KLRG1: variants seen among roughly 807,000 people sequenced by gnomAD.
KLRG1 encodes killer cell lectin like receptor G1.
KLRG1 carries 16 observed loss-of-function variants against 21.8 expected under a neutral mutation model. The ratio of observed to expected loss-of-function variants is 0.73; its 90% CI spans 0.50 to 1.11. The LOEUF (loss-of-function observed/expected upper bound fraction) is 1.11. KLRG1 is among the 50% of genes most tolerant of loss of function. KLRG1 has a pLI of 0.00. For synonymous variants in KLRG1, 69 were observed against 75.9 expected (o/e 0.91, Z 0.47); for missense variants, 173 against 218.3 (o/e 0.79, Z 1.31).
At chr12:9,115,420 A>C in the KLRG1 span, 1 of 183,090 alleles carries the variant, frequency 5.5e-6, no homozygotes, top group East Asian at 1.4e-4. Flanking sequence ...TTATTTTTAT[A>C]AAATAGAAAA....
chr12:9,200,374 C>A, the KLRG1 span: 1 of 1,604,710 alleles, frequency 6.2e-7, no homozygotes, highest in Non-Finnish European at 8.5e-7. Context: ...TCTCCACAGA[C>A]TGTTATGTTC....
the KLRG1 span, chr12:9,080,212 A>C: frequency 5.0e-6 from 7 of 1,390,672 alleles, 1 homozygote; most frequent in South Asian, 7.4e-5. Context: ...TATGAAAATT[A>C]TTTCTGCATT....
the KLRG1 span, chr12:9,115,955 C>G: frequency 2.2e-6 from 2 of 900,528 alleles, no homozygotes; most frequent in African/African-American, 1.6e-5. Context: ...TTATGCTGCT[C>G]TGTGTGCAAA....
chr12:8,959,916 GC>G (rs1475435358), intron 1 of KLRG1, among the ~76,000 whole-genome samples: 1 of 152,102 alleles, frequency 6.6e-6, no homozygotes, highest in Non-Finnish European at 1.5e-5. Context: ...TTTGGCAGTT[GC>G]TTTTTAGATT....
chr12:9,076,923 C>T, the KLRG1 span: 6 of 1,597,292 alleles, frequency 3.8e-6, no homozygotes, highest in South Asian at 1.1e-5. Context: ...CAGGGCATTG[C>T]GGACAACAGG....
chr12:9,174,755 G>A, the KLRG1 span, among the ~76,000 whole-genome samples: 2 of 152,042 alleles, frequency 1.3e-5, no homozygotes, highest in African/African-American at 4.8e-5. Flanking sequence ...AGCTAACAAG[G>A]GAAGTGAAGG....
chr12:9,180,455 T>G, the KLRG1 span, among the ~76,000 whole-genome samples: 1 of 152,132 alleles, frequency 6.6e-6, no homozygotes, highest in African/African-American at 2.4e-5. Context: ...AACAGAGATA[T>G]AGATCAATGG....
At chr12:9,196,624 G>A in the KLRG1 span, 7 of 1,613,630 alleles carry the variant, frequency 4.3e-6, no homozygotes, top group South Asian at 2.2e-5. Context: ...TTCAAAGCCC[G>A]TATTTGTAAT....
chr12:8,962,861 T>C (rs1451663854), intron 1 of KLRG1, among the ~76,000 whole-genome samples: 2 of 152,114 alleles, frequency 1.3e-5, no homozygotes, highest in African/African-American at 2.4e-5. Flanking sequence ...ATCTAACATG[T>C]ATAATTAGGG....
the KLRG1 span, chr12:9,149,448 C>T: frequency 6.7e-6 from 7 of 1,049,994 alleles, no homozygotes; most frequent in African/African-American, 1.6e-5. Context: ...TGAGGACATG[C>T]CATGTGGATT....
chr12:8,985,173 T>G (rs1009010133), upstream of KLRG1, among the ~76,000 whole-genome samples: 1 of 312 alleles, frequency 3.2e-3, no homozygotes, highest in African/African-American at 3.7e-3. Context: ...TTCTCAGTGT[T>G]TTTTTTTTTT....
At chr12:9,160,194 G>T in the KLRG1 span, 2 of 1,114,082 alleles carry the variant, frequency 1.8e-6, no homozygotes, top group East Asian at 2.4e-5. Flanking sequence ...TTAGAGTGTG[G>T]GAAGATTGTT....
At chr12:8,983,919 A>G (rs961571217) in intron 1 of KLRG1, among the ~76,000 whole-genome samples, 1 of 151,938 alleles carries the variant, frequency 6.6e-6, no homozygotes, top group Non-Finnish European at 1.5e-5. Context: ...GGATTCAGTG[A>G]GTTTCTTATA....
the KLRG1 span, among the ~76,000 whole-genome samples, chr12:9,142,038 C>G: frequency 6.6e-6 from 1 of 152,186 alleles, no homozygotes; most frequent in Non-Finnish European, 1.5e-5. Context: ...CTTACATGGA[C>G]AGTCTCTGAC....
At chr12:9,072,200 AC>A in the KLRG1 span, among the ~76,000 whole-genome samples, 1 of 152,182 alleles carries the variant, frequency 6.6e-6, no homozygotes, top group Non-Finnish European at 1.5e-5. Context: ...GACAATGTAA[AC>A]CCCATCATTG....
chr12:9,095,215 A>G, the KLRG1 span: 1 of 538,428 alleles, frequency 1.9e-6, no homozygotes, highest in Non-Finnish European at 3.2e-6. Context: ...ACATCTGTAG[A>G]AGGGATATTT....
At chr12:8,986,911 G>T (rs898340694), upstream of KLRG1, among the ~76,000 whole-genome samples, 1 of 152,060 alleles carries the variant, frequency 6.6e-6, no homozygotes, top group Admixed American at 6.6e-5. Flanking sequence ...ACCTCCCCGC[G>T]TCTCTCTTGC....
At chr12:9,110,685 T>A in the KLRG1 span, among the ~76,000 whole-genome samples, 1 of 151,970 alleles carries the variant, frequency 6.6e-6, no homozygotes, top group African/African-American at 2.4e-5. Flanking sequence ...TAAATATATA[T>A]ACCTGCTATG....
the KLRG1 span, among the ~76,000 whole-genome samples, chr12:9,171,669 C>T: frequency 1.9e-4 from 29 of 152,234 alleles, no homozygotes; most frequent in East Asian, 1.2e-3. Flanking sequence ...AGCTGAAAAC[C>T]GCATCTCAAG....
Sources: allele counts gnomAD v4.1 joint callset (sites outside exome capture counted in the v4.1 genomes callset), GRCh38; gene constraint gnomAD v4.1.1; transcripts MANE v1.5; gene names NCBI Gene and HGNC (gene_info 2026-07-23, HGNC 2026-07-21).